The following BRPF1 variants were observed in gnomAD, a reference collection of about 807,000 sequenced individuals.
The protein encoded by BRPF1 is bromodomain and PHD finger containing 1, also known as peregrin.
In BRPF1, 15 loss-of-function variants were observed where a neutral mutation model predicts 115.0. The ratio of observed to expected loss-of-function variants is 0.13; its 90% CI spans 0.09 to 0.20. The LOEUF (loss-of-function observed/expected upper bound fraction) is 0.20, where lower values mean the gene tolerates loss of function less well. Among genes scored for constraint, BRPF1 ranks in the 10% least tolerant of loss-of-function variants. The pLI is 1.00. For synonymous variants in BRPF1, 647 were observed against 619.8 expected (o/e 1.04, Z -0.65); for missense variants, 1,118 against 1,638.3 (o/e 0.68, Z 5.48).
rs758938122 is a variant in BRPF1, at chr3:9,734,539, C to A, written c.399C>A (p.Gly133=). 1.1e-5 allele frequency: 17 copies of A among 1,614,130 alleles called. 1 individual carries two copies. The South Asian group carries it at 1.9e-4, about 18-fold the overall frequency. The part of the protein sequence containing the change: ...EEAPEEAPEN[G]SNKENTETPA... ...CCCCCGAGGAGGCCCCTGAGAATGG[C>A]AGCAACAAGGAGAACACTGAGACAC... Residue 133 remains glycine (G), a synonymous_variant, in exon 2 of 14, where the codon GGC becomes GGA. Transcript: ENST00000383829. The surrounding 1 kb of genome is among the most constrained non-coding windows in gnomAD (Gnocchi z 5.7).
At position 9,745,531 on chromosome 3, in the gene BRPF1, C is replaced by T. The variant is rs370729460; in HGVS notation, c.3069-42C>T. 577 of 1,603,692 alleles carry T rather than the reference C, an allele frequency of 3.6e-4. 2 individuals are homozygous for T. In the South Asian group the frequency reaches 3.8e-3, roughly 11 times the overall value. On this transcript the variant is annotated intron_variant, in intron 10 of 13. Transcript: ENST00000383829. This position sits in a 1 kb window ranked among gnomAD's most constrained non-coding sequence, Gnocchi z 5.1. ...GGCACATACCATGCTGTTCCCCATT[C>T]TTCCCCTCCTTTGAGCTGAGCTCCC...
chr3:9,737,308 C>T lies in BRPF1; in HGVS notation c.600-1691C>T, dbSNP rs578033754. Among the ~76,000 whole-genome samples the T allele has an allele frequency of 1.6e-4, 25 of 152,242 alleles. No homozygotes were observed. In the South Asian group the frequency reaches 4.6e-3, roughly 28 times the overall value. On this transcript the variant is annotated intron_variant, in intron 2 of 13. Transcript: ENST00000383829. ...GTTAGACACATACACAGCTATAATG[C>T]TAGGAAGGTGGGTAAAGGCCATACA...
chr3:9,747,349 A>G lies in BRPF1; in HGVS notation c.3663A>G (p.Ter1221TrpextTer9). 6.2e-7 allele frequency: 1 copy of G among 1,613,396 alleles called. No homozygotes were observed. The highest frequency in any genetic ancestry group is 8.5e-7 in the Non-Finnish European group (1 of 1,179,758). ...EQSSETSDSD[*>W] ...GCAGTGAGACCAGCGATAGTGATTG[A>G]TACTGCTCAACACAGCCCAACCTAT... Residue 1221 changes from the stop codon to tryptophan, a stop_lost, in exon 14 of 14, where the codon TGA becomes TGG. Transcript: ENST00000383829. The surrounding 1 kb of genome is among the most constrained non-coding windows in gnomAD (Gnocchi z 5.6).
intron 13 of BRPF1, 129 bp downstream of exon 13, chr3:9,746,583 G>C (rs755153063): frequency 5.9e-6 from 7 of 1,193,300 alleles, no homozygotes; most frequent in Non-Finnish European, 7.8e-6. Context: ...GAGGGACTTA[G>C]AACAGTTTTT....
Position 9,743,440 on chromosome 3 carries a change from A to G in BRPF1, c.2312-138A>G. On this transcript the variant is annotated intron_variant, in intron 7 of 13. Transcript: ENST00000383829. This position sits in a 1 kb window ranked among gnomAD's most constrained non-coding sequence, Gnocchi z 6.1. ...TGGATAGCAGTGCCCGCCATTCCAC[A>G]TCTTGGTGCTGCTATTTTACAGCTG... 10 of 1,218,858 alleles carry G rather than the reference A, an allele frequency of 8.2e-6. No homozygotes were observed. The highest frequency in any genetic ancestry group is 7.5e-5 in the South Asian group (5 of 66,612). The allele number at this position is 1,218,858 out of a possible 1,614,324, so 75.5% of individuals were successfully genotyped here. A position where few individuals can be genotyped will look rare whatever the true frequency, so the allele number is the denominator to read the frequency against.
At chr3:9,742,860 G>A (rs2125507661) in intron 6 of BRPF1, 84 bp from the exon 7 acceptor site, 3 of 1,450,506 alleles carry the variant, frequency 2.1e-6, no homozygotes, top group African/African-American at 1.4e-5. Context: ...TGCTGGATGT[G>A]TTTCAGGGGG....
At chr3:9,742,762 C>T (rs914523032) in intron 6 of BRPF1, among the ~76,000 whole-genome samples, 182 bp from the exon 7 acceptor site, 8 of 152,190 alleles carry the variant, frequency 5.3e-5, no homozygotes, top group African/African-American at 1.7e-4. Context: ...CAAAGTCACA[C>T]AGCTTGTGAC....
Position 9,747,283 on chromosome 3 carries a change from C to T in BRPF1, c.3597C>T (p.His1199=). 3.1e-6 allele frequency: 5 copies of T among 1,614,248 alleles called. No individual in the cohort carries two copies. The highest frequency in any genetic ancestry group is 2.2e-5 in the South Asian group (2 of 91,092). ...NIRKSVQIAY[H]RALQHRSKVQ... is the part of the protein sequence containing the mutation. Reference sequence around the variant, plus strand: ...GCAAGTCAGTACAGATCGCCTACCACAGGGCTCTGCAGCACCGCAGCAAGG... The same window carrying T: ...GCAAGTCAGTACAGATCGCCTACCATAGGGCTCTGCAGCACCGCAGCAAGG... The change falls in exon 14 of 14, where the codon CAC becomes CAT. Residue 1199 remains histidine (H), a synonymous_variant. Coordinates refer to ENST00000383829, the MANE Select transcript of BRPF1 (RefSeq NM_001003694.2). The surrounding 1 kb of genome is among the most constrained non-coding windows in gnomAD (Gnocchi z 5.6).
rs754862321 is a variant in BRPF1, at chr3:9,739,202, C to T, written c.803C>T (p.Ala268Val). 3.7e-6 allele frequency: 6 copies of T among 1,613,668 alleles called. No individual in the cohort carries two copies. Among genetic ancestry groups the T allele is most frequent in the South Asian group, 1.1e-5 (1 of 91,036 alleles). ...FESHNKGDPN[A>V]LVDEDAVCCI... ...AGTCATAATAAAGGCGACCCTAATG[C>T]GCTAGTGGACGAGGATGCTGTTTGC... The change falls in exon 3 of 14, where the codon GCG (alanine) becomes GTG (valine). Residue 268 changes from alanine to valine, a missense_variant. By Grantham distance (64) the Ala-to-Val change is moderately conservative. This residue lies in a region of BRPF1 where 280 missense variants were observed against 382.8 expected (regional missense o/e 0.73). Transcript: ENST00000383829.
Position 9,743,282 on chromosome 3 carries a change from G to A in BRPF1, c.2311+29G>A, listed in dbSNP as rs1287167361. ...GGTGATATATCACACACACATATAA[G>A]AGGCCAATGCCGGGGATGGACAGCT... is the stretch of plus-strand genomic sequence containing the variant. On this transcript the variant is annotated intron_variant, in intron 7 of 13. Coordinates refer to ENST00000383829, the MANE Select transcript of BRPF1 (RefSeq NM_001003694.2). This position sits in a 1 kb window ranked among gnomAD's most constrained non-coding sequence, Gnocchi z 6.1. The A allele has an allele frequency of 1.9e-6, 3 of 1,593,506 alleles. No homozygotes were observed. Among genetic ancestry groups the A allele is most frequent in the Admixed American group, 3.4e-5 (2 of 58,742 alleles).
In BRPF1 at chr3:9,745,958, C is replaced by T. The variant is rs1262071604; in HGVS notation, c.3324+28C>T. On this transcript the variant is annotated intron_variant, in intron 12 of 13. Transcript: ENST00000383829. This position sits in a 1 kb window ranked among gnomAD's most constrained non-coding sequence, Gnocchi z 5.1. ...ATGCTTGCTTCTGTTACACTTCTTG[C>T]TTTCCAATCCCAGAATACAGATTCA... 1 of 1,590,304 alleles carries T rather than the reference C, an allele frequency of 6.3e-7. No homozygotes were observed. Among genetic ancestry groups the T allele is most frequent in the East Asian group, 2.2e-5 (1 of 44,612 alleles).
chr3:9,734,192 A>G lies in BRPF1; in HGVS notation c.52A>G (p.Lys18Glu). The change falls in exon 2 of 14, where the codon AAG (lysine) becomes GAG (glutamate). Residue 18 changes from lysine to glutamate, a missense_variant. Physicochemically the swap from Lys to Glu is moderately conservative, Grantham distance 56 (BLOSUM62 1). Around this residue, in one of 10 missense-constraint regions of BRPF1, gnomAD observed 280 missense variants for 382.8 expected, o/e 0.73. Transcript: ENST00000383829. The surrounding 1 kb of genome is among the most constrained non-coding windows in gnomAD (Gnocchi z 5.7). ...KTFCHNLRAT[K>E]PPYECPVETC... The stretch of plus-strand genomic sequence containing the variant: ...TTTCTGCCACAACTTGCGGGCGACT[A>G]AGCCACCATACGAGTGCCCGGTGGA... 1 of 1,613,392 alleles carries G rather than the reference A, an allele frequency of 6.2e-7. No individual in the cohort carries two copies. The highest frequency in any genetic ancestry group is 8.5e-7 in the Non-Finnish European group (1 of 1,179,520).
rs1271629212 is a variant in BRPF1, at chr3:9,747,156, T to A, written c.3480-10T>A. 8 of 1,614,006 alleles carry A rather than the reference T, an allele frequency of 5.0e-6. No individual in the cohort carries two copies. The highest frequency in any genetic ancestry group is 5.9e-6 in the Non-Finnish European group (7 of 1,179,944). On this transcript the variant is annotated splice_polypyrimidine_tract_variant and intron_variant, in intron 13 of 13. Transcript: ENST00000383829. The surrounding 1 kb of genome is among the most constrained non-coding windows in gnomAD (Gnocchi z 5.6). ...GAGATGATTTATTTGATCTTCACCT[T>A]ATCCTATAGGCAGTGGCTGCCCAGG... is the stretch of plus-strand genomic sequence containing the variant.
chr3:9,742,810 C>G (rs938364552), intron 6 of BRPF1, 134 bp from the exon 7 acceptor site: 1 of 1,014,146 alleles, frequency 9.9e-7, no homozygotes, highest in South Asian at 1.7e-5. Context: ...TTCCTTTCCC[C>G]TGTGCTATAT....
chr3:9,744,943 C>G, intron 9 of BRPF1, 65 bp from the exon 10 acceptor site: 1 of 1,605,080 alleles, frequency 6.2e-7, no homozygotes, highest in Admixed American at 1.7e-5. Context: ...CTCTTACCTC[C>G]ATGTCATCTC....
At chr3:9,738,092 T>C (rs185588936) in intron 2 of BRPF1, among the ~76,000 whole-genome samples, 14 of 152,250 alleles carry the variant, frequency 9.2e-5, no homozygotes, top group African/African-American at 3.4e-4. Flanking sequence ...AGGCCACCTA[T>C]AGCATGCCAG....
chr3:9,742,226 C>G, intron 6 of BRPF1, 55 bp downstream of exon 6: 7 of 1,594,572 alleles, frequency 4.4e-6, no homozygotes, highest in Non-Finnish European at 6.0e-6. Context: ...CCAGTTGGAC[C>G]CCTGCTGCAG....
At chr3:9,744,022 C>G in intron 8 of BRPF1, 121 bp downstream of exon 8, 1 of 1,339,708 alleles carries the variant, frequency 7.5e-7, no homozygotes, top group Non-Finnish European at 1.0e-6. Flanking sequence ...GTACTTTCTC[C>G]CTCATTCCCC....
Position 9,734,005 on chromosome 3 carries a change from G to C in BRPF1, c.-10-126G>C, listed in dbSNP as rs1428388944. 1 of 1,464,292 alleles carries C rather than the reference G, an allele frequency of 6.8e-7. No individual in the cohort carries two copies. The highest frequency in any genetic ancestry group is 9.0e-7 in the Non-Finnish European group (1 of 1,105,180). The allele number at this position is 1,464,292 out of a possible 1,614,324, so 90.7% of individuals were successfully genotyped here. On this transcript the variant is annotated intron_variant, in intron 1 of 13. Coordinates refer to ENST00000383829, the MANE Select transcript of BRPF1 (RefSeq NM_001003694.2). This position sits in a 1 kb window ranked among gnomAD's most constrained non-coding sequence, Gnocchi z 5.7. ...GGAGGAGATGGCATTTGGAGACACTGTAGAGGTAGGCTGGCCAGAATCTGG... is the reference window on the plus strand; with the variant it reads ...GGAGGAGATGGCATTTGGAGACACTCTAGAGGTAGGCTGGCCAGAATCTGG...
Sources: gnomAD v4.1 joint callset for allele counts (sites outside exome capture counted in the v4.1 genomes callset) on GRCh38, gnomAD v4.1.1 for gene constraint, gnomAD v4.1.1 regional missense constraint, Gnocchi (gnomAD v3.1) non-coding constraint, MANE v1.5 for transcripts, NCBI Gene and HGNC (gene_info 2026-07-23, HGNC 2026-07-21) for gene names.